SS18L1: variants seen among roughly 807,000 people sequenced by gnomAD.
SS18L1 encodes the protein SS18L1 subunit of BAF chromatin remodeling complex, also known as calcium-responsive transactivator.
Under a neutral mutation model 70.3 loss-of-function variants are expected in SS18L1, and 32 were observed. The ratio of observed to expected loss-of-function variants is 0.46; its 90% CI spans 0.34 to 0.61. The LOEUF (loss-of-function observed/expected upper bound fraction) is 0.61, where lower values mean the gene tolerates loss of function less well. Ranked by LOEUF, SS18L1 falls within the 20% of genes least tolerant of loss-of-function variation. The pLI is 0.01. For missense variants in SS18L1, 430 were observed against 542.1 expected, an observed-to-expected ratio of 0.79 and a Z score of 2.05; for synonymous variants, 237 against 229.7, an observed-to-expected ratio of 1.03 and a Z score of -0.29.
Position 62,162,742 on chromosome 20 carries a change from C to A in SS18L1, c.377-10C>A. 6.2e-7 allele frequency: 1 copy of A among 1,601,548 alleles called. No homozygotes were observed. Among genetic ancestry groups the A allele is most frequent in the African/African-American group, 1.3e-5 (1 of 74,820 alleles). ...CAGTGCCTGACACCACTCCCTGCTCCCCATGCCAGGGCCGAGCCACGTGTC... is the reference window on the plus strand; with the variant it reads ...CAGTGCCTGACACCACTCCCTGCTCACCATGCCAGGGCCGAGCCACGTGTC... On this transcript the variant is annotated splice_polypyrimidine_tract_variant and intron_variant, in intron 4 of 10. Coordinates refer to ENST00000331758, the MANE Select transcript of SS18L1 (RefSeq NM_198935.3).
chr20:62,174,852 A>G lies in SS18L1; in HGVS notation c.1164+208A>G. The stretch of plus-strand genomic sequence containing the variant: ...CTCAGTCATCCAGCTGGCTTTTCAT[A>G]CCCTAAGCTCACCGTTAGATCTGCA... On this transcript the variant is annotated intron_variant, in intron 10 of 10. Transcript: ENST00000331758. This position sits in a 1 kb window ranked among gnomAD's most constrained non-coding sequence, Gnocchi z 4.1. The G allele has an allele frequency of 6.9e-7, 1 of 1,446,070 alleles. No individual in the cohort carries two copies. The allele number at this position is 1,446,070 out of a possible 1,614,324, so 89.6% of individuals were successfully genotyped here. A position where few individuals can be genotyped will look rare whatever the true frequency, so the allele number is the denominator to read the frequency against.
At chr20:62,167,392 C>T (rs1190995970) in intron 8 of SS18L1, among the ~76,000 whole-genome samples, 5 of 148,346 alleles carry the variant, frequency 3.4e-5, no homozygotes, top group Admixed American at 2.0e-4. Context: ...AACCCTTTCT[C>T]TCCCGAAAAA....
intron 4 of SS18L1, chr20:62,162,523 C>A (rs558471544): frequency 4.1e-6 from 2 of 491,024 alleles, no homozygotes; most frequent in Non-Finnish European, 7.1e-6. Context: ...AGGCTGGTTT[C>A]GAACTCTTGA....
At chr20:62,177,150 C>T (rs1461242598) in intron 10 of SS18L1, among the ~76,000 whole-genome samples, 9 of 152,194 alleles carry the variant, frequency 5.9e-5, no homozygotes, top group Admixed American at 5.9e-4. Context: ...GGCGGCCAGG[C>T]GCTGTGGCTC....
At position 62,170,552 on chromosome 20, in the gene SS18L1, G is replaced by A. The variant is rs543524474; in HGVS notation, c.917-2130G>A. Among the ~76,000 whole-genome samples the A allele has an allele frequency of 1.8e-4, 28 of 152,358 alleles. No homozygotes were observed. The South Asian group carries it at 4.1e-3, about 23-fold the overall frequency. ...GGAGTACTTGCTGGTTGTGGAGGAA[G>A]GCCCCACATCTGCCCGCCCCGTTGC... On this transcript the variant is annotated intron_variant, in intron 8 of 10. Transcript: ENST00000331758.
Position 62,175,770 on chromosome 20 carries a change from G to A in SS18L1, c.1164+1126G>A, listed in dbSNP as rs569932795. On this transcript the variant is annotated intron_variant, in intron 10 of 10. Transcript: ENST00000331758. ...GCTTCTCGTCCTCCTTCTTCAAGAG[G>A]GCAAAGGGTCACCAGGTAGATGTAG... 2.0e-5 allele frequency among the ~76,000 whole-genome samples: 3 copies of A among 152,368 alleles called. No homozygotes were observed. In the South Asian group the frequency reaches 6.2e-4, roughly 32 times the overall value.
intron 8 of SS18L1, among the ~76,000 whole-genome samples, chr20:62,171,364 C>T (rs1331903186): frequency 1.3e-5 from 2 of 152,212 alleles, no homozygotes; most frequent in African/African-American, 2.4e-5. Flanking sequence ...AGTCTTCTCC[C>T]GTGACGGTGA....
intron 9 of SS18L1, among the ~76,000 whole-genome samples, chr20:62,173,214 C>T (rs774710557): frequency 4.9e-4 from 75 of 152,234 alleles, no homozygotes; most frequent in Non-Finnish European, 4.3e-4. Flanking sequence ...CAGGTCAAAG[C>T]CTGTGGGTCT....
chr20:62,160,209 G>A (rs2057299037), intron 3 of SS18L1, among the ~76,000 whole-genome samples: 2 of 139,522 alleles, frequency 1.4e-5, no homozygotes, highest in Non-Finnish European at 3.0e-5. Context: ...ATTGAAGGGA[G>A]GGAAGCCCCG....
In SS18L1 at chr20:62,158,985, T is replaced by C. The variant is rs755635460; in HGVS notation, c.146+237T>C. ...AGTCCCCCAGCACGGAGGCCAGATATGTCCCGAGAGTCCCCCAGCACGGAG... is the reference window on the plus strand; with the variant it reads ...AGTCCCCCAGCACGGAGGCCAGATACGTCCCGAGAGTCCCCCAGCACGGAG... On this transcript the variant is annotated intron_variant, in intron 2 of 10. Transcript: ENST00000331758. This position sits in a 1 kb window ranked among gnomAD's most constrained non-coding sequence, Gnocchi z 4.5. The C allele has an allele frequency of 2.2e-5, 34 of 1,539,116 alleles. No homozygotes were observed. The highest frequency in any genetic ancestry group is 3.5e-5 in the Admixed American group (2 of 57,718).
At chr20:62,163,675 A>G in intron 6 of SS18L1, 53 bp downstream of exon 6, 1 of 1,483,476 alleles carries the variant, frequency 6.7e-7, no homozygotes, top group Non-Finnish European at 8.9e-7. Context: ...GCGGGTCGTG[A>G]AGTGCCAGGC....
Position 62,164,262 on chromosome 20 carries a change from G to C in SS18L1, c.823+16G>C. Reference sequence around the variant, plus strand: ...TACCCCGACGGTGAGCACTGGCGGCGGCCTGACCCCGCCCAGGAACGCAGA... The same window carrying C: ...TACCCCGACGGTGAGCACTGGCGGCCGCCTGACCCCGCCCAGGAACGCAGA... On this transcript the variant is annotated intron_variant, in intron 7 of 10. Coordinates refer to ENST00000331758, the MANE Select transcript of SS18L1 (RefSeq NM_198935.3). 2.6e-6 allele frequency: 4 copies of C among 1,542,942 alleles called. No homozygotes were observed. The highest frequency in any genetic ancestry group is 3.5e-6 in the Non-Finnish European group (4 of 1,143,322).
At position 62,174,663 on chromosome 20, in the gene SS18L1, T is replaced by G; in HGVS notation, c.1164+19T>G. The G allele has an allele frequency of 6.2e-7, 1 of 1,613,276 alleles. No individual in the cohort carries two copies. The highest frequency in any genetic ancestry group is 1.1e-5 in the South Asian group (1 of 91,072). On this transcript the variant is annotated intron_variant, in intron 10 of 10. Transcript: ENST00000331758. This position sits in a 1 kb window ranked among gnomAD's most constrained non-coding sequence, Gnocchi z 4.1. ...TGAACAGGCAAGCTTTCTGGATGTTTCCAGATGTGCCCATCCGCCGCGCCT... is the reference window on the plus strand; with the variant it reads ...TGAACAGGCAAGCTTTCTGGATGTTGCCAGATGTGCCCATCCGCCGCGCCT...
intron 10 of SS18L1, chr20:62,175,208 T>C: frequency 4.1e-6 from 4 of 978,034 alleles, no homozygotes; most frequent in Non-Finnish European, 4.9e-6. Flanking sequence ...CCAGGAACAG[T>C]GAGCAGGGCT....
intron 1 of SS18L1, among the ~76,000 whole-genome samples, chr20:62,145,239 T>C (rs1481463705): frequency 6.6e-6 from 1 of 152,258 alleles, no homozygotes; most frequent in Non-Finnish European, 1.5e-5. Context: ...TCATAGAAGC[T>C]ACTGGCATCC....
rs969823529 is a variant in SS18L1 at position 62,182,118 on chromosome 20, C to T, written c.*2910C>T. On this transcript the variant is annotated 3_prime_UTR_variant, in exon 11 of 11. Transcript: ENST00000331758. ...GATGGGATTAAGGTGGACAAGATCT[C>T]CTAAGATCTGTGAATGGGATTAAGG... The T allele has an allele frequency of 4.4e-6, 1 of 227,666 alleles. No homozygotes were observed. The highest frequency in any genetic ancestry group is 8.7e-6 in the Non-Finnish European group (1 of 114,666). 14.1% of individuals were successfully genotyped at this position (227,666 alleles called of 1,614,324 possible).
chr20:62,148,898 G>A (rs2057079427), intron 1 of SS18L1, among the ~76,000 whole-genome samples: 1 of 152,256 alleles, frequency 6.6e-6, no homozygotes, highest in African/African-American at 2.4e-5. Flanking sequence ...TTCCAAGGCT[G>A]GTGGGTCTCC....
chr20:62,152,085 G>T (rs1225143156), intron 1 of SS18L1, among the ~76,000 whole-genome samples: 1 of 151,970 alleles, frequency 6.6e-6, no homozygotes, highest in African/African-American at 2.4e-5. Context: ...TCCTCCATCG[G>T]GCCGCCCTTC....
intron 1 of SS18L1, among the ~76,000 whole-genome samples, chr20:62,151,000 A>G (rs1468629553): frequency 6.6e-6 from 1 of 152,192 alleles, no homozygotes; most frequent in Non-Finnish European, 1.5e-5. Flanking sequence ...AAGGACAACC[A>G]TGAGGACACT....
Sources: allele counts gnomAD v4.1 joint callset (sites outside exome capture counted in the v4.1 genomes callset), GRCh38; gene constraint gnomAD v4.1.1; non-coding constraint Gnocchi (gnomAD v3.1); transcripts MANE v1.5; gene names NCBI Gene and HGNC (gene_info 2026-07-23, HGNC 2026-07-21).